LRIG1: variants seen among roughly 807,000 people sequenced by gnomAD.
The protein encoded by LRIG1 is leucine rich repeats and immunoglobulin like domains 1, also known as leucine-rich repeats and immunoglobulin-like domains protein 1.
Under a neutral mutation model 99.2 loss-of-function variants are expected in LRIG1, and 48 were observed. The observed-to-expected ratio is 0.48, with a 90% CI of 0.38 to 0.62. The LOEUF (loss-of-function observed/expected upper bound fraction) is 0.62, where lower values mean the gene tolerates loss of function less well. Ranked by LOEUF, LRIG1 falls within the 20% of genes least tolerant of loss-of-function variation. The pLI, the probability that LRIG1 is intolerant of heterozygous loss-of-function variation, is 0.00. For missense variants in LRIG1, 1,646 were observed against 1,434.4 expected (o/e 1.15, Z -2.38); for synonymous variants, 772 against 596.1 (o/e 1.29, Z -4.30).
chr3:66,424,429 G>A (rs1702914548), intron 3 of LRIG1, among the ~76,000 whole-genome samples: 1 of 152,184 alleles, frequency 6.6e-6, no homozygotes, highest in African/African-American at 2.4e-5. Flanking sequence ...CTGCCTGAGA[G>A]TTGATGCCAT....
At chr3:66,467,902 CG>C (rs750062549) in intron 1 of LRIG1, among the ~76,000 whole-genome samples, 23 of 152,292 alleles carry the variant, frequency 1.5e-4, no homozygotes, top group Middle Eastern at 3.4e-3. Context: ...CCCAATAACT[CG>C]AGAACTATGT....
chr3:66,455,344 T>G (rs1700187243), intron 2 of LRIG1, among the ~76,000 whole-genome samples: 1 of 152,256 alleles, frequency 6.6e-6, no homozygotes. Flanking sequence ...AACATAAAGC[T>G]TCTTTGCAGT....
intron 12 of LRIG1, among the ~76,000 whole-genome samples, chr3:66,389,268 G>A (rs550885599): frequency 6.6e-6 from 1 of 152,024 alleles, no homozygotes; most frequent in Non-Finnish European, 1.5e-5. Context: ...TAGTACAACA[G>A]AAAATATCTT....
At chr3:66,433,604 A>G (rs146571756) in intron 3 of LRIG1, among the ~76,000 whole-genome samples, 68 of 152,348 alleles carry the variant, frequency 4.5e-4, no homozygotes, top group African/African-American at 1.4e-3. Flanking sequence ...TCCTGCCCCA[A>G]CTGAAAGACT....
rs1269853148 is a variant in LRIG1 at position 66,500,593 on chromosome 3, T to C, written c.-186A>G. 8.4e-6 allele frequency: 3 copies of C among 355,522 alleles called. No individual in the cohort carries two copies. The highest frequency in any genetic ancestry group is 1.5e-5 in the Non-Finnish European group (3 of 200,852). 22.0% of individuals were successfully genotyped at this position (355,522 alleles called of 1,614,324 possible). Reference sequence around the variant, plus strand: ...AGCGTGCCCCCGGTGCCCGGGCCGCTCCGGAGCACCCGGCGGGGGCCGCAA... The same window carrying C: ...AGCGTGCCCCCGGTGCCCGGGCCGCCCCGGAGCACCCGGCGGGGGCCGCAA... On this transcript the variant is annotated 5_prime_UTR_variant, in exon 1 of 19. Transcript: ENST00000273261.
At chr3:66,470,162 A>G (rs1700564167) in intron 1 of LRIG1, among the ~76,000 whole-genome samples, 1 of 152,190 alleles carries the variant, frequency 6.6e-6, no homozygotes, top group Admixed American at 6.5e-5. Context: ...AATCAACTAC[A>G]TGCATTTACC....
intron 3 of LRIG1, among the ~76,000 whole-genome samples, chr3:66,443,321 ATGAGTGAGGGGCGGG>A: frequency 2.5e-5 from 1 of 39,936 alleles, no homozygotes; most frequent in South Asian, 8.2e-4. Flanking sequence ...GGGGCAGGGG[ATGAGTGAGGGGCGGG>A]GGATGAGTGA....
intron 1 of LRIG1, among the ~76,000 whole-genome samples, chr3:66,481,184 G>A (rs1271158492): frequency 6.6e-6 from 1 of 152,140 alleles, no homozygotes; most frequent in Non-Finnish European, 1.5e-5. Flanking sequence ...GCAGTTAAAC[G>A]GGAAGGCCCA....
chr3:66,401,597 C>A, intron 9 of LRIG1: 1 of 1,498,298 alleles, frequency 6.7e-7, no homozygotes, highest in Non-Finnish European at 8.9e-7. Flanking sequence ...GTAGATTAGG[C>A]AGGGTCCTTA....
chr3:66,417,162 G>A lies in LRIG1; in HGVS notation c.470C>T (p.Thr157Ile), dbSNP rs760477195. 5.6e-6 allele frequency: 9 copies of A among 1,614,208 alleles called. No homozygotes were observed. Among genetic ancestry groups the A allele is most frequent in the Middle Eastern group, 1.7e-4 (1 of 6,060 alleles). Residue 157 changes from threonine (T) to isoleucine (I), a missense_variant, in exon 4 of 19, where the codon ACC becomes ATC. Transcript: ENST00000273261. ...SLNNITEVRN[T>I]CFPHGPPIKE... is the part of the protein sequence containing the mutation. ...TATAGGCGGTCCGTGTGGAAAGCAG[G>A]TGTTCCGCACTTCCGTGATGTTGTT...
Position 66,400,470 on chromosome 3 carries a change from A to C in LRIG1, c.1161-1429T>G, listed in dbSNP as rs1436312160. Among the ~76,000 whole-genome samples, 4 of 152,328 alleles carry C rather than the reference A, an allele frequency of 2.6e-5. No homozygotes were observed. In the East Asian group the frequency reaches 7.7e-4, roughly 29 times the overall value. ...CCAGGATCTAACAGGCTGGCTAAGA[A>C]TACCGATTGCTGGGAGCCAACTCCT... On this transcript the variant is annotated intron_variant, in intron 9 of 18. Coordinates refer to ENST00000273261, the MANE Select transcript of LRIG1 (RefSeq NM_015541.3).
chr3:66,458,024 A>G (rs1700269562), intron 2 of LRIG1, among the ~76,000 whole-genome samples: 1 of 152,244 alleles, frequency 6.6e-6, no homozygotes, highest in Non-Finnish European at 1.5e-5. Context: ...ACAGGTTTTG[A>G]GTTCAACTCT....
intron 5 of LRIG1, 87 bp from the exon 6 acceptor site, chr3:66,413,101 A>G (rs1575671722): frequency 6.7e-7 from 1 of 1,487,458 alleles, no homozygotes; most frequent in East Asian, 2.3e-5. Context: ...CTAAGTTTCC[A>G]AGCCAGAGGA....
intron 9 of LRIG1, chr3:66,401,666 G>A (rs1559778546): frequency 1.3e-6 from 2 of 1,529,538 alleles, no homozygotes; most frequent in Non-Finnish European, 1.7e-6. Flanking sequence ...AGACTGGGAT[G>A]GCTCTAATAA....
rs1286525651 is a variant in LRIG1, at chr3:66,378,969, CAT to C, written c.*1292_*1293del. 3.3e-5 allele frequency: 5 copies of C among 152,614 alleles called. No homozygotes were observed. Among genetic ancestry groups the C allele is most frequent in the East Asian group, 3.8e-4 (2 of 5,198 alleles). The allele number at this position is 152,614 out of a possible 1,614,324, so 9.5% of individuals were successfully genotyped here. The stretch of plus-strand genomic sequence containing the variant: ...TTGCCTCTCAGAAGCAGCAAATTCA[CAT>C]ATTTTGTGGAAGTAAGATTAGTCAG... On this transcript the variant is annotated 3_prime_UTR_variant, in exon 19 of 19. Transcript: ENST00000273261.
chr3:66,444,206 C>T (rs1017636797), intron 3 of LRIG1, among the ~76,000 whole-genome samples: 5 of 152,226 alleles, frequency 3.3e-5, no homozygotes, highest in Admixed American at 1.3e-4. Context: ...GGGCTGCTCA[C>T]GAAGCGCTCT....
At chr3:66,495,912 G>A (rs1174258103) in intron 1 of LRIG1, among the ~76,000 whole-genome samples, 1 of 152,198 alleles carries the variant, frequency 6.6e-6, no homozygotes, top group Non-Finnish European at 1.5e-5. Flanking sequence ...CTGAGGGAGA[G>A]AAAGGTCAGC....
chr3:66,451,364 C>A (rs1021166160), intron 3 of LRIG1, among the ~76,000 whole-genome samples, 195 bp downstream of exon 3: 1 of 151,036 alleles, frequency 6.6e-6, no homozygotes, highest in African/African-American at 2.4e-5. Flanking sequence ...TGAGGTAAAA[C>A]TTCCAGCGTT....
At chr3:66,386,598 T>C (rs1701387578) in intron 12 of LRIG1, 1 of 340,594 alleles carries the variant, frequency 2.9e-6, no homozygotes, top group African/African-American at 2.1e-5. Context: ...TTAAGACAAC[T>C]GGCTCTGCCT....
Sources: gnomAD v4.1 joint callset for allele counts (sites outside exome capture counted in the v4.1 genomes callset) on GRCh38, gnomAD v4.1.1 for gene constraint, MANE v1.5 for transcripts, NCBI Gene and HGNC (gene_info 2026-07-23, HGNC 2026-07-21) for gene names.